The following XKR6 variants were observed in gnomAD, a reference collection of about 807,000 sequenced individuals.
The protein encoded by XKR6 is XK related 6.
Under a neutral mutation model 56.7 loss-of-function variants are expected in XKR6, and 22 were observed. The observed-to-expected ratio is 0.39, with a 90% CI of 0.28 to 0.55. The LOEUF is 0.55. XKR6 is among the 20% of genes least tolerant of loss of function. The probability of loss-of-function intolerance (pLI) is 0.66; values close to 1 mark genes in which losing one functional copy is unlikely to be tolerated. For missense variants in XKR6, 852 were observed against 889.0 expected, an observed-to-expected ratio of 0.96 and a Z score of 0.53; for synonymous variants, 524 against 387.8, an observed-to-expected ratio of 1.35 and a Z score of -4.13.
intron 1 of XKR6, among the ~76,000 whole-genome samples, chr8:11,144,223 A>AGTGT (rs35351104): frequency 0.22 from 30,119 of 136,338 alleles, 3,529 homozygotes; most frequent in Non-Finnish European, 0.27. Flanking sequence ...TTAAATAAAA[A>AGTGT]GTGTGTGTGT....
At chr8:11,181,948 G>A (rs1183499017) in intron 1 of XKR6, among the ~76,000 whole-genome samples, 16 of 151,992 alleles carry the variant, frequency 1.1e-4, no homozygotes, top group Admixed American at 9.8e-4. Flanking sequence ...CGCCTTCCAG[G>A]CTCAAGCCAC....
intron 1 of XKR6, among the ~76,000 whole-genome samples, chr8:10,990,461 G>C (rs537618738): frequency 2.6e-5 from 4 of 152,344 alleles, no homozygotes; most frequent in African/African-American, 9.6e-5. Context: ...GCAGTAGTTG[G>C]AGAAGAAATA....
At chr8:11,178,772 T>C (rs886928508) in intron 1 of XKR6, among the ~76,000 whole-genome samples, 11 of 150,732 alleles carry the variant, frequency 7.3e-5, no homozygotes, top group African/African-American at 9.7e-5. Context: ...GTTGGCTCTA[T>C]ATACAACTCA....
At chr8:10,984,968 C>A (rs895641603) in intron 1 of XKR6, among the ~76,000 whole-genome samples, 42 of 151,318 alleles carry the variant, frequency 2.8e-4, no homozygotes, top group African/African-American at 1.0e-3. Context: ...GAAACGGGGT[C>A]CTGCTCTGTA....
At chr8:11,191,428 C>T (rs1286796747) in intron 1 of XKR6, among the ~76,000 whole-genome samples, 1 of 152,188 alleles carries the variant, frequency 6.6e-6, no homozygotes, top group Non-Finnish European at 1.5e-5. Context: ...ATAAAGAAAT[C>T]TGGCAGTCGC....
intron 1 of XKR6, among the ~76,000 whole-genome samples, chr8:10,969,722 G>GC (rs1485597691): frequency 6.6e-6 from 1 of 152,188 alleles, no homozygotes; most frequent in Non-Finnish European, 1.5e-5. Context: ...GGAAACAGGA[G>GC]CCCCCCACCC....
At chr8:11,158,102 A>G (rs1199746844) in intron 1 of XKR6, among the ~76,000 whole-genome samples, 1 of 152,202 alleles carries the variant, frequency 6.6e-6, no homozygotes, top group Non-Finnish European at 1.5e-5. Flanking sequence ...GAACCACCCA[A>G]CTTGCTACAT....
At chr8:11,101,931 T>C (rs1282674790) in intron 1 of XKR6, among the ~76,000 whole-genome samples, 1 of 152,198 alleles carries the variant, frequency 6.6e-6, no homozygotes, top group Non-Finnish European at 1.5e-5. Flanking sequence ...TGCAGTCTAG[T>C]TTGTTACAAT....
chr8:11,052,552 A>C (rs1302200563), intron 1 of XKR6, among the ~76,000 whole-genome samples: 1 of 151,948 alleles, frequency 6.6e-6, no homozygotes, highest in Admixed American at 6.6e-5. Flanking sequence ...GGGTGTGCTG[A>C]GGGTGGGGGC....
At chr8:11,152,769 C>G (rs1801329972) in intron 1 of XKR6, among the ~76,000 whole-genome samples, 1 of 152,196 alleles carries the variant, frequency 6.6e-6, no homozygotes, top group Non-Finnish European at 1.5e-5. Context: ...CAGAGTGTTT[C>G]TTTTCTGGTC....
chr8:11,087,710 G>C (rs148700210), intron 1 of XKR6, among the ~76,000 whole-genome samples: 98 of 152,330 alleles, frequency 6.4e-4, no homozygotes, highest in African/African-American at 2.2e-3. Flanking sequence ...TACTGAATTA[G>C]CTAATCCTAG....
chr8:10,994,255 A>T (rs561969184), intron 1 of XKR6, among the ~76,000 whole-genome samples: 13 of 152,258 alleles, frequency 8.5e-5, no homozygotes, highest in African/African-American at 3.1e-4. Flanking sequence ...GCACCTTCAG[A>T]CCCTCTCATT....
chr8:11,134,257 G>T (rs1800268913), intron 1 of XKR6, among the ~76,000 whole-genome samples: 1 of 152,038 alleles, frequency 6.6e-6, no homozygotes, highest in South Asian at 2.1e-4. Flanking sequence ...TGTTACTGTT[G>T]TCCATCTGGA....
chr8:10,912,485 A>G, intron 2 of XKR6, among the ~76,000 whole-genome samples: 1 of 142,100 alleles, frequency 7.0e-6, no homozygotes, highest in Non-Finnish European at 1.5e-5. Context: ...AGAGAGAGAG[A>G]GAGACAGGGT....
intron 1 of XKR6, among the ~76,000 whole-genome samples, chr8:11,091,377 G>T (rs1798064180): frequency 6.6e-6 from 1 of 151,964 alleles, no homozygotes; most frequent in African/African-American, 2.4e-5. Context: ...GGTGGAGGCT[G>T]CAGTGAGCCA....
chr8:11,178,573 T>TGTATATATATATATATATAC (rs1802795020), intron 1 of XKR6, among the ~76,000 whole-genome samples: 1 of 141,820 alleles, frequency 7.1e-6, no homozygotes, highest in Admixed American at 7.3e-5. Flanking sequence ...TATATATATA[T>TGTATATATATATATATATAC]GTATATATAT....
At chr8:11,039,814 A>ACAAGCACAGGGAAGCAGCC (rs1274996175) in intron 1 of XKR6, among the ~76,000 whole-genome samples, 1 of 152,214 alleles carries the variant, frequency 6.6e-6, no homozygotes, top group Non-Finnish European at 1.5e-5. Context: ...CCCCCACCTG[A>ACAAGCACAGGGAAGCAGCC]CAAGCACAGG....
At chr8:11,135,232 T>G (rs911044478) in intron 1 of XKR6, among the ~76,000 whole-genome samples, 1 of 152,118 alleles carries the variant, frequency 6.6e-6, no homozygotes, top group African/African-American at 2.4e-5. Context: ...GGTTTCACCA[T>G]GTTAGCCAGG....
chr8:11,016,517 A>ACGCCTTCCCTCC (rs1234306443), intron 1 of XKR6, among the ~76,000 whole-genome samples: 1 of 152,136 alleles, frequency 6.6e-6, no homozygotes, highest in African/African-American at 2.4e-5. Context: ...GCCTTCGCCC[A>ACGCCTTCCCTCC]CGCCTTCCCT....
Sources: gnomAD v4.1 joint callset for allele counts (sites outside exome capture counted in the v4.1 genomes callset) on GRCh38, gnomAD v4.1.1 for gene constraint, MANE v1.5 for transcripts, NCBI Gene and HGNC (gene_info 2026-07-23, HGNC 2026-07-21) for gene names.